Variants in MOCOS observed in about 807,000 individuals in gnomAD.
MOCOS encodes human molybdenum cofactor sulfurase.
A neutral mutation model predicts 83.6 loss-of-function variants in MOCOS; 86 were observed. The ratio of observed to expected loss-of-function variants is 1.03; its 90% confidence interval spans 0.86 to 1.23. The LOEUF (loss-of-function observed/expected upper bound fraction) is 1.23. Among genes scored for constraint, MOCOS ranks in the 50% most tolerant of loss-of-function variants. The pLI, the probability that MOCOS is intolerant of heterozygous loss-of-function variation, is 0.00. For missense variants in MOCOS, 1,120 were observed against 1,126.9 expected (o/e 0.99, Z 0.09); for synonymous variants, 445 against 434.7 (o/e 1.02, Z -0.29).
At chr18:36,211,840 C>T (rs539026680) in intron 6 of MOCOS, among the ~76,000 whole-genome samples, 45 of 151,496 alleles carry the variant, frequency 3.0e-4, no homozygotes, top group African/African-American at 7.8e-4. Flanking sequence ...ATCTGTGACT[C>T]GCTCATAGCT....
intron 11 of MOCOS, among the ~76,000 whole-genome samples, chr18:36,255,830 C>G (rs188877556): frequency 1.3e-5 from 2 of 151,612 alleles, no homozygotes; most frequent in Admixed American, 1.3e-4. Context: ...AGGGTGCCAG[C>G]TATTCTGAAT....
At chr18:36,228,408 T>C (rs113192217) in intron 9 of MOCOS, among the ~76,000 whole-genome samples, 33 of 152,274 alleles carry the variant, frequency 2.2e-4, no homozygotes, top group African/African-American at 7.7e-4. Flanking sequence ...CAATTCACAA[T>C]AGCAAGGACA....
In MOCOS at chr18:36,195,239, T is replaced by G. The variant is rs1194473762; in HGVS notation, c.143-18T>G. On this transcript the variant is annotated intron_variant, in intron 1 of 14. Transcript: ENST00000261326. ...GATTCAGGTAAAATTTTAGTATTTA[T>G]TTTGTGTTTTCTTTCAGGAACTGTC... The G allele has an allele frequency of 6.2e-7, 1 of 1,606,940 alleles. No individual in the cohort carries two copies. The highest frequency in any genetic ancestry group is 8.5e-7 in the Non-Finnish European group (1 of 1,173,898).
intron 13 of MOCOS, among the ~76,000 whole-genome samples, chr18:36,265,348 G>C (rs1313238853): frequency 6.6e-6 from 1 of 152,208 alleles, no homozygotes; most frequent in Non-Finnish European, 1.5e-5. Flanking sequence ...TGAACTCCCT[G>C]CCTTCGTGCC....
At chr18:36,232,691 C>T (rs2144933928) in intron 9 of MOCOS, among the ~76,000 whole-genome samples, 1 of 152,236 alleles carries the variant, frequency 6.6e-6, no homozygotes, top group Non-Finnish European at 1.5e-5. Flanking sequence ...CTACTCTTTA[C>T]TTCTATGAGA....
rs147875201 is a variant in MOCOS, at chr18:36,213,473, G to A, written c.1326G>A (p.Lys442=). 5.8e-4 allele frequency: 932 copies of A among 1,613,466 alleles called. 11 individuals are homozygous for A. The Middle Eastern group carries it at 5.8e-3, about 10-fold the overall frequency. The part of the protein sequence containing the change: ...HLGISNEMVR[K]HFQAGHVCGD... Reference sequence around the variant, plus strand: ...GCATAAGCAACGAGATGGTCAGGAAGCATTTTCAGGTTGGTACAGGGCTCT... The same window carrying A: ...GCATAAGCAACGAGATGGTCAGGAAACATTTTCAGGTTGGTACAGGGCTCT... The change falls in exon 7 of 15, where the codon AAG becomes AAA. Residue 442 remains lysine, a synonymous_variant. Transcript: ENST00000261326.
intron 9 of MOCOS, among the ~76,000 whole-genome samples, chr18:36,221,078 A>T (rs1190021148): frequency 6.6e-6 from 1 of 152,210 alleles, no homozygotes; most frequent in Non-Finnish European, 1.5e-5. Flanking sequence ...TGAATGATCA[A>T]ACCAATAGAA....
At chr18:36,204,435 A>G (rs904390469) in intron 5 of MOCOS, among the ~76,000 whole-genome samples, 1 of 152,250 alleles carries the variant, frequency 6.6e-6, no homozygotes, top group East Asian at 1.9e-4. Context: ...AACATTAATA[A>G]TAAAAACAAA....
intron 13 of MOCOS, among the ~76,000 whole-genome samples, 178 bp downstream of exon 13, chr18:36,260,353 T>A (rs945718828): frequency 6.6e-6 from 1 of 152,170 alleles, no homozygotes; most frequent in African/African-American, 2.4e-5. Flanking sequence ...GAATAATCCA[T>A]CCTTTATTTC....
intron 13 of MOCOS, among the ~76,000 whole-genome samples, chr18:36,260,829 C>G (rs558530032): frequency 6.6e-6 from 1 of 151,942 alleles, no homozygotes; most frequent in East Asian, 1.9e-4. Flanking sequence ...CCCCTTCCCT[C>G]TCTGCCTCCG....
intron 6 of MOCOS, among the ~76,000 whole-genome samples, chr18:36,208,024 AT>A (rs1384900335): frequency 6.6e-6 from 1 of 152,120 alleles, no homozygotes; most frequent in Non-Finnish European, 1.5e-5. Context: ...ATAGCCAGTT[AT>A]CCCAGCACCA....
intron 9 of MOCOS, among the ~76,000 whole-genome samples, chr18:36,244,346 A>AT (rs1230083540): frequency 6.6e-6 from 1 of 151,986 alleles, no homozygotes; most frequent in Non-Finnish European, 1.5e-5. Context: ...AGTTCAAAGA[A>AT]TTTTTTAAAT....
intron 9 of MOCOS, among the ~76,000 whole-genome samples, chr18:36,247,533 G>A (rs956677274): frequency 1.3e-5 from 2 of 152,136 alleles, no homozygotes; most frequent in Admixed American, 1.3e-4. Context: ...TCCAGGAATG[G>A]CTTTCCTGGG....
intron 10 of MOCOS, 66 bp from the exon 11 acceptor site, chr18:36,251,093 C>A: frequency 6.5e-7 from 1 of 1,545,040 alleles, no homozygotes; most frequent in Non-Finnish European, 8.9e-7. Context: ...AAACTTTTTG[C>A]AATTCAGATT....
At chr18:36,257,234 T>C (rs1161072092) in intron 12 of MOCOS, among the ~76,000 whole-genome samples, 161 bp downstream of exon 12, 1 of 152,198 alleles carries the variant, frequency 6.6e-6, no homozygotes, top group African/African-American at 2.4e-5. Context: ...AGCAGGCCCT[T>C]TTGTCCAGCT....
chr18:36,235,304 C>T (rs1276123718), intron 9 of MOCOS, among the ~76,000 whole-genome samples: 1 of 124,188 alleles, frequency 8.1e-6, no homozygotes, highest in Non-Finnish European at 1.7e-5. Context: ...ACAACAGTCC[C>T]CAGAGTGTGA....
intron 9 of MOCOS, among the ~76,000 whole-genome samples, chr18:36,236,600 G>A (rs901255663): frequency 1.6e-5 from 2 of 125,292 alleles, no homozygotes; most frequent in African/African-American, 6.0e-5. Context: ...GCTTAGGATT[G>A]ACTTGGCAAT....
At position 36,268,667 on chromosome 18, in the gene MOCOS, C is replaced by T. The variant is rs746148451; in HGVS notation, c.2649C>T (p.His883=). ...ATGATTTACCTGCATCTGAGAAACA[C>T]CAGGATGTTACCTCCTAAAAAAAAT... ...EGHDLPASEK[H]QDVTS is the part of the protein sequence containing the mutation. Residue 883 remains histidine, a synonymous_variant, in exon 15 of 15, where the codon CAC becomes CAT. Transcript: ENST00000261326. The T allele has an allele frequency of 2.5e-6, 4 of 1,610,630 alleles. No homozygotes were observed. The highest frequency in any genetic ancestry group is 2.7e-5 in the African/African-American group (2 of 73,338).
At chr18:36,245,465 C>T (rs1272836617) in intron 9 of MOCOS, among the ~76,000 whole-genome samples, 1 of 152,214 alleles carries the variant, frequency 6.6e-6, no homozygotes, top group Non-Finnish European at 1.5e-5. Flanking sequence ...CCAATCCCTT[C>T]TGACTTGCAA....
Sources: allele counts gnomAD v4.1 joint callset (sites outside exome capture counted in the v4.1 genomes callset), GRCh38; gene constraint gnomAD v4.1.1; transcripts MANE v1.5; gene names NCBI Gene and HGNC (gene_info 2026-07-23, HGNC 2026-07-21).